The following AQP3 variants were observed in gnomAD, a reference collection of about 807,000 sequenced individuals.
AQP3 encodes the protein aquaporin-3.
Under a neutral mutation model 30.3 loss-of-function variants are expected in AQP3, and 15 were observed. That is an observed-to-expected ratio of 0.49 (90% CI 0.33 to 0.76). The LOEUF is 0.76. Ranked by LOEUF, AQP3 falls within the 30% of genes least tolerant of loss-of-function variation. The pLI, the probability that AQP3 is intolerant of heterozygous loss-of-function variation, is 0.02. For missense variants in AQP3, 272 were observed against 384.8 expected (o/e 0.71, Z 2.45); for synonymous variants, 153 against 163.2 (o/e 0.94, Z 0.47).
Position 33,442,524 on chromosome 9 carries a change from G to T in AQP3, c.493-6C>A. ...AGGGAGGCTGTGCCTATGAACTGGGGAGTGGGGAGAACAGGGTGAGCTGCA... is the reference window on the plus strand; with the variant it reads ...AGGGAGGCTGTGCCTATGAACTGGGTAGTGGGGAGAACAGGGTGAGCTGCA... On this transcript the variant is annotated splice_region_variant and splice_polypyrimidine_tract_variant and intron_variant, in intron 4 of 5. Transcript: ENST00000297991. 1 of 1,599,978 alleles carries T rather than the reference G, an allele frequency of 6.3e-7. No individual in the cohort carries two copies.
Position 33,442,014 on chromosome 9 carries a change from A to ATCAAG in AQP3, c.*28_*29insCTTGA, listed in dbSNP as rs1381710300. The ATCAAG allele has an allele frequency of 6.2e-7, 1 of 1,609,170 alleles. No individual in the cohort carries two copies. ...GTCAGTGGATGCTCAAGGCCAGGGC[A>ATCAAG]GCGGAGTGGGGAGATGGCCCCTGCC... On this transcript the variant is annotated 3_prime_UTR_variant, in exon 6 of 6. Coordinates refer to ENST00000297991, the MANE Select transcript of AQP3 (RefSeq NM_004925.5).
intron 1 of AQP3, among the ~76,000 whole-genome samples, chr9:33,445,513 G>A (rs1293457786): frequency 6.6e-6 from 1 of 152,188 alleles, no homozygotes; most frequent in Non-Finnish European, 1.5e-5. Flanking sequence ...TGTGAGGAGG[G>A]GTGGTGGGAG....
chr9:33,444,184 G>A (rs1826883295), intron 1 of AQP3, among the ~76,000 whole-genome samples: 1 of 152,188 alleles, frequency 6.6e-6, no homozygotes, highest in South Asian at 2.1e-4. Context: ...GATTTTCCTT[G>A]AATTTCAGCA....
chr9:33,442,518 AC>A lies in AQP3; in HGVS notation c.493-1del, dbSNP rs1415689104. ...ACGATAAGGGAGGCTGTGCCTATGA[AC>A]TGGGGAGTGGGGAGAACAGGGTGAG... On this transcript the variant is annotated splice_acceptor_variant, in intron 4 of 5. Transcript: ENST00000297991. LOFTEE classifies it high-confidence loss of function. 6.2e-7 allele frequency: 1 copy of A among 1,603,354 alleles called. No individual in the cohort carries two copies. The highest frequency in any genetic ancestry group is 2.2e-5 in the East Asian group (1 of 44,464).
chr9:33,445,927 A>G (rs1307236033), intron 1 of AQP3, among the ~76,000 whole-genome samples: 2 of 152,088 alleles, frequency 1.3e-5, no homozygotes, highest in East Asian at 3.9e-4. Flanking sequence ...CCTCACATCC[A>G]TCTGAGTCTG....
Position 33,443,180 on chromosome 9 carries a change from T to G in AQP3, c.373+141A>C. ...TTTCTTTCCCTTCGTGCCCCCTACC[T>G]TGACCCTGTGCGTGAATGAGTGAGT... On this transcript the variant is annotated intron_variant, in intron 3 of 5. Transcript: ENST00000297991. The surrounding 1 kb of genome is among the most constrained non-coding windows in gnomAD (Gnocchi z 5.0). 7.5e-7 allele frequency: 1 copy of G among 1,338,846 alleles called. No individual in the cohort carries two copies. The highest frequency in any genetic ancestry group is 1.0e-6 in the Non-Finnish European group (1 of 960,130). The allele number at this position is 1,338,846 out of a possible 1,614,324, so 82.9% of individuals were successfully genotyped here.
rs964709949 is a variant in AQP3 at position 33,443,192 on chromosome 9, G to A, written c.373+129C>T. On this transcript the variant is annotated intron_variant, in intron 3 of 5. Coordinates refer to ENST00000297991, the MANE Select transcript of AQP3 (RefSeq NM_004925.5). This position sits in a 1 kb window ranked among gnomAD's most constrained non-coding sequence, Gnocchi z 5.0. Reference sequence around the variant, plus strand: ...CGTGCCCCCTACCTTGACCCTGTGCGTGAATGAGTGAGTCATGAGCCCGGG... The same window carrying A: ...CGTGCCCCCTACCTTGACCCTGTGCATGAATGAGTGAGTCATGAGCCCGGG... 15 of 1,381,786 alleles carry A rather than the reference G, an allele frequency of 1.1e-5. No homozygotes were observed. Among genetic ancestry groups the A allele is most frequent in the Admixed American group, 4.0e-5 (2 of 50,144 alleles). 85.6% of individuals were successfully genotyped at this position (1,381,786 alleles called of 1,614,324 possible).
rs1412608837 is a variant in AQP3, at chr9:33,442,016, C to T, written c.*27G>A. On this transcript the variant is annotated 3_prime_UTR_variant, in exon 6 of 6. Transcript: ENST00000297991. Reference sequence around the variant, plus strand: ...CAGTGGATGCTCAAGGCCAGGGCAGCGGAGTGGGGAGATGGCCCCTGCCCA... The same window carrying T: ...CAGTGGATGCTCAAGGCCAGGGCAGTGGAGTGGGGAGATGGCCCCTGCCCA... The T allele has an allele frequency of 6.2e-6, 10 of 1,608,608 alleles. No individual in the cohort carries two copies. The highest frequency in any genetic ancestry group is 5.3e-5 in the African/African-American group (4 of 74,868).
At position 33,443,043 on chromosome 9, in the gene AQP3, C is replaced by T. The variant is rs1826863587; in HGVS notation, c.374-73G>A. On this transcript the variant is annotated intron_variant, in intron 3 of 5. Transcript: ENST00000297991. The surrounding 1 kb of genome is among the most constrained non-coding windows in gnomAD (Gnocchi z 5.0). ...CAGACTTCCCTCTCAGGTGTGCCCT[C>T]CCCACCCTCCCATGAGTTATGGGTA... The T allele has an allele frequency of 3.6e-6, 5 of 1,390,230 alleles. No homozygotes were observed. The South Asian group carries it at 5.8e-5, about 16-fold the overall frequency. 86.1% of individuals were successfully genotyped at this position (1,390,230 alleles called of 1,614,324 possible). A position where few individuals can be genotyped will look rare whatever the true frequency, so the allele number is the denominator to read the frequency against.
rs780291400 is a variant in AQP3, at chr9:33,443,707, G to C, written c.235+59C>G. 6.2e-7 allele frequency: 1 copy of C among 1,611,720 alleles called. No homozygotes were observed. The highest frequency in any genetic ancestry group is 8.5e-7 in the Non-Finnish European group (1 of 1,178,762). Reference sequence around the variant, plus strand: ...CTGTGACCTGCCCTTAGGAATGCCAGGACACCTAGTGGGAATGCTATTGAG... The same window carrying C: ...CTGTGACCTGCCCTTAGGAATGCCACGACACCTAGTGGGAATGCTATTGAG... On this transcript the variant is annotated intron_variant, in intron 2 of 5. Transcript: ENST00000297991. The surrounding 1 kb of genome is among the most constrained non-coding windows in gnomAD (Gnocchi z 5.0).
Position 33,443,004 on chromosome 9 carries a change from G to T in AQP3, c.374-34C>A. The T allele has an allele frequency of 1.3e-6, 2 of 1,584,720 alleles. No individual in the cohort carries two copies. The highest frequency in any genetic ancestry group is 1.1e-5 in the South Asian group (1 of 90,422). ...AGATTAGACACACAGTGAGTCGGGG[G>T]AGAGGCCTGAGCCCAGACTTCCCTC... On this transcript the variant is annotated intron_variant, in intron 3 of 5. Coordinates refer to ENST00000297991, the MANE Select transcript of AQP3 (RefSeq NM_004925.5). This position sits in a 1 kb window ranked among gnomAD's most constrained non-coding sequence, Gnocchi z 5.0.
rs747790629 is a variant in AQP3, at chr9:33,442,449, G to A, written c.562C>T (p.Arg188Ter). 2 of 1,611,636 alleles carry A rather than the reference G, an allele frequency of 1.2e-6. No individual in the cohort carries two copies. The highest frequency in any genetic ancestry group is 1.3e-5 in the African/African-American group (1 of 74,928). ...CCCACGGTGAAGGCCTCCAGGCCTC[G>A]GGGGACGGGGTTGTTGTAGGGGTCA... ...IVDPYNNPVP[R>*]GLEAFTVGLV... Residue 188 changes from arginine (R) to a stop codon, truncating the protein, a stop_gained, in exon 5 of 6, where the codon CGA becomes TGA. Coordinates refer to ENST00000297991, the MANE Select transcript of AQP3 (RefSeq NM_004925.5). LOFTEE classifies it high-confidence loss of function.
chr9:33,442,654 T>C, intron 4 of AQP3, 136 bp from the exon 5 acceptor site: 8 of 1,137,968 alleles, frequency 7.0e-6, no homozygotes, highest in Middle Eastern at 2.3e-4. Context: ...GCAATGGTGC[T>C]AGAATGTCTG....
At chr9:33,442,668 G>A (rs1587197861) in intron 4 of AQP3, 150 bp from the exon 5 acceptor site, 2 of 1,089,424 alleles carry the variant, frequency 1.8e-6, no homozygotes, top group East Asian at 2.4e-5. Context: ...ATGTCTGCGT[G>A]ACAAGAACCC....
At position 33,447,561 on chromosome 9, in the gene AQP3, G is replaced by A. The variant is rs1196342384; in HGVS notation, c.-31C>T. The A allele has an allele frequency of 6.5e-7, 1 of 1,543,694 alleles. No individual in the cohort carries two copies. The highest frequency in any genetic ancestry group is 1.9e-5 in the Admixed American group (1 of 53,286). On this transcript the variant is annotated 5_prime_UTR_variant, in exon 1 of 6. Coordinates refer to ENST00000297991, the MANE Select transcript of AQP3 (RefSeq NM_004925.5). ...GGCAGGCGGCGGCGCTGTCGGGCGG[G>A]CAGGGGTGGCGGGAGGCGGTGGCGC...
At chr9:33,442,824 G>T (rs376690273) in intron 4 of AQP3, 28 bp downstream of exon 4, 1 of 1,601,288 alleles carries the variant, frequency 6.2e-7, no homozygotes, top group Non-Finnish European at 8.6e-7. Context: ...CCCTCCCTGC[G>T]TTCCCCTCAC....
At position 33,441,725 on chromosome 9, in the gene AQP3, C is replaced by A. The variant is rs60799254; in HGVS notation, c.*318G>T. On this transcript the variant is annotated 3_prime_UTR_variant, in exon 6 of 6. Transcript: ENST00000297991. ...GGGAACCCCCCCCACACACACACAC[C>A]CCTGCACACACATGCACACACATGC... is the stretch of plus-strand genomic sequence containing the variant. The A allele has an allele frequency of 9.8e-6, 5 of 508,486 alleles. No homozygotes were observed. The highest frequency in any genetic ancestry group is 3.6e-5 in the South Asian group (1 of 27,724). The allele number at this position is 508,486 out of a possible 1,614,324, so 31.5% of individuals were successfully genotyped here.
At position 33,443,054 on chromosome 9, in the gene AQP3, C is replaced by A. The variant is rs1400246214; in HGVS notation, c.374-84G>T. 3.7e-6 allele frequency: 5 copies of A among 1,347,514 alleles called. No individual in the cohort carries two copies. The highest frequency in any genetic ancestry group is 5.3e-6 in the Non-Finnish European group (5 of 940,828). 83.5% of individuals were successfully genotyped at this position (1,347,514 alleles called of 1,614,324 possible). On this transcript the variant is annotated intron_variant, in intron 3 of 5. Transcript: ENST00000297991. This position sits in a 1 kb window ranked among gnomAD's most constrained non-coding sequence, Gnocchi z 5.0. ...CTCAGGTGTGCCCTCCCCACCCTCC[C>A]ATGAGTTATGGGTAAGTAGCAATAC...
In AQP3 at chr9:33,443,742, C is replaced by T. The variant is rs1490539636; in HGVS notation, c.235+24G>A. On this transcript the variant is annotated intron_variant, in intron 2 of 5. Coordinates refer to ENST00000297991, the MANE Select transcript of AQP3 (RefSeq NM_004925.5). The surrounding 1 kb of genome is among the most constrained non-coding windows in gnomAD (Gnocchi z 5.0). ...TGGGAATGCTATTGAGGGCCAAGGG[C>T]TGGGGGCAGGGTTAAGGCCTTACCA... is the stretch of plus-strand genomic sequence containing the variant. 6.2e-7 allele frequency: 1 copy of T among 1,613,800 alleles called. No individual in the cohort carries two copies. The highest frequency in any genetic ancestry group is 1.1e-5 in the South Asian group (1 of 90,950).
Sources: allele counts gnomAD v4.1 joint callset (sites outside exome capture counted in the v4.1 genomes callset), GRCh38; gene constraint gnomAD v4.1.1; non-coding constraint Gnocchi (gnomAD v3.1); transcripts MANE v1.5; gene names NCBI Gene and HGNC (gene_info 2026-07-23, HGNC 2026-07-21).